Variants in LRRC28 observed in about 807,000 individuals in gnomAD.
The protein encoded by LRRC28 is leucine-rich repeat-containing protein 28.
LRRC28 carries 39 observed loss-of-function variants against 45.7 expected under a neutral mutation model. That is an observed-to-expected ratio of 0.85 (90% CI 0.66 to 1.12). The LOEUF is 1.12. Among genes scored for constraint, LRRC28 ranks in the 50% most tolerant of loss-of-function variants. The pLI, the probability that LRRC28 is intolerant of heterozygous loss-of-function variation, is 0.00. For synonymous variants in LRRC28, 206 were observed against 178.8 expected (o/e 1.15, Z -1.22); for missense variants, 435 against 438.5 (o/e 0.99, Z 0.07).
At chr15:99,305,192 G>C (rs1254519163) in intron 5 of LRRC28, among the ~76,000 whole-genome samples, 3 of 152,196 alleles carry the variant, frequency 2.0e-5, no homozygotes, top group Admixed American at 1.3e-4. Context: ...CCAACAGCCA[G>C]GATGGTTATT....
chr15:99,353,507 G>A (rs1204861580), intron 7 of LRRC28, among the ~76,000 whole-genome samples: 1 of 152,166 alleles, frequency 6.6e-6, no homozygotes, highest in African/African-American at 2.4e-5. Flanking sequence ...GCTGAGAGAT[G>A]TATTCTGGAA....
chr15:99,372,549 A>C (rs978746903), intron 9 of LRRC28, among the ~76,000 whole-genome samples: 1 of 152,074 alleles, frequency 6.6e-6, no homozygotes, highest in South Asian at 2.1e-4. Context: ...TTAATACAAC[A>C]AGCAGATACA....
rs1958147177 is a variant in LRRC28 at position 99,390,295 on chromosome 15, G to A, written c.*4193G>A. 1 of 152,228 alleles carries A rather than the reference G, an allele frequency of 6.6e-6. No individual in the cohort carries two copies. The highest frequency in any genetic ancestry group is 1.5e-5 in the Non-Finnish European group (1 of 68,028). The allele number at this position is 152,228 out of a possible 1,614,324, so 9.4% of individuals were successfully genotyped here. On this transcript the variant is annotated 3_prime_UTR_variant, in exon 10 of 10. Coordinates refer to ENST00000301981, the MANE Select transcript of LRRC28 (RefSeq NM_144598.5). ...GCTTCACAGCCTTTGAAGTATGACT[G>A]TATGTGTGGTCCCCTTGTACTTTGG... is the stretch of plus-strand genomic sequence containing the variant.
chr15:99,362,079 A>G (rs1197699487), intron 8 of LRRC28, among the ~76,000 whole-genome samples: 2 of 152,180 alleles, frequency 1.3e-5, no homozygotes, highest in East Asian at 3.8e-4. Flanking sequence ...CCGTGCACAG[A>G]TTTGATAGGT....
chr15:99,331,582 A>G (rs1956159741), intron 5 of LRRC28, among the ~76,000 whole-genome samples: 1 of 152,178 alleles, frequency 6.6e-6, no homozygotes, highest in Non-Finnish European at 1.5e-5. Flanking sequence ...TCCAAAAAAC[A>G]TCCTTTCATC....
chr15:99,369,799 T>C (rs1310945226), intron 9 of LRRC28, among the ~76,000 whole-genome samples: 1 of 152,204 alleles, frequency 6.6e-6, no homozygotes, highest in African/African-American at 2.4e-5. Context: ...CACCAGGGTA[T>C]TTTGAGACAG....
chr15:99,261,756 C>G (rs1049984254), intron 2 of LRRC28, among the ~76,000 whole-genome samples: 26 of 152,144 alleles, frequency 1.7e-4, no homozygotes, highest in African/African-American at 5.8e-4. Flanking sequence ...CTCCCGGGTT[C>G]AAGTGATTCT....
chr15:99,290,235 G>C (rs563802579), intron 5 of LRRC28, among the ~76,000 whole-genome samples: 1 of 150,810 alleles, frequency 6.6e-6, no homozygotes, highest in South Asian at 2.1e-4. Flanking sequence ...CTCCAGCCTG[G>C]GTGACAGAGT....
At chr15:99,282,893 T>C (rs552520437) in intron 3 of LRRC28, among the ~76,000 whole-genome samples, 1 of 152,320 alleles carries the variant, frequency 6.6e-6, no homozygotes, top group African/African-American at 2.4e-5. Context: ...GTTTCTTTAA[T>C]TAAAAATTTT....
intron 5 of LRRC28, among the ~76,000 whole-genome samples, chr15:99,317,022 T>G (rs10902543): frequency 0.46 from 60,048 of 130,210 alleles, 12,762 homozygotes; most frequent in African/African-American, 0.6. Context: ...TTTGGAGAGG[T>G]GGGGAAGGTT....
At chr15:99,384,672 C>G (rs189436985) in intron 9 of LRRC28, 11 of 152,366 alleles carry the variant, frequency 7.2e-5, no homozygotes, top group African/African-American at 2.6e-4. Context: ...AGTGCCACAG[C>G]CACTTGCTTT....
chr15:99,352,493 G>T (rs1210714180), intron 7 of LRRC28, 22 bp downstream of exon 7: 4 of 1,575,768 alleles, frequency 2.5e-6, no homozygotes, highest in South Asian at 2.3e-5. Context: ...TTCACATTTT[G>T]AACTAAAAAA....
At chr15:99,366,521 A>C (rs1450596914) in intron 9 of LRRC28, among the ~76,000 whole-genome samples, 1 of 152,176 alleles carries the variant, frequency 6.6e-6, no homozygotes, top group Non-Finnish European at 1.5e-5. Flanking sequence ...TTCTGGAGGA[A>C]AGAAGTCTGA....
chr15:99,285,120 A>G (rs2081923319), intron 3 of LRRC28: 1 of 713,570 alleles, frequency 1.4e-6, no homozygotes, highest in Admixed American at 1.7e-5. Context: ...AGTCATGGTC[A>G]TCAAAGGTTA....
intron 3 of LRRC28, among the ~76,000 whole-genome samples, chr15:99,279,045 CA>C (rs1469714618): frequency 1.3e-5 from 2 of 152,184 alleles, no homozygotes; most frequent in African/African-American, 4.8e-5. Flanking sequence ...AGCCAAAGAG[CA>C]AGAGAGAGTA....
rs553752329 is a variant in LRRC28, at chr15:99,264,610, A to T, written c.168+8485A>T. On this transcript the variant is annotated intron_variant, in intron 2 of 9. Transcript: ENST00000301981. The stretch of plus-strand genomic sequence containing the variant: ...ATGCAAACCCCCACATAGATGGGAT[A>T]TGCAGAGAGGACCTCTAGTAAACAG... Among the ~76,000 whole-genome samples the T allele has an allele frequency of 5.9e-5, 9 of 152,348 alleles. No homozygotes were observed. In the East Asian group the frequency reaches 1.7e-3, roughly 29 times the overall value.
chr15:99,348,053 C>T (rs1355926513), intron 6 of LRRC28, among the ~76,000 whole-genome samples: 1 of 152,052 alleles, frequency 6.6e-6, no homozygotes, highest in African/African-American at 2.4e-5. Flanking sequence ...TTTCATCTAC[C>T]TGTTGGCCTT....
In LRRC28 at chr15:99,390,117, CAAA is replaced by C. The variant is rs144619066; in HGVS notation, c.*4022_*4024del. ...TGGGCAACAGAGCGAGACTCCGTCTCAAAAAAAAATCATTCAAGTTTCACTGTG... is the reference window on the plus strand; with the variant it reads ...TGGGCAACAGAGCGAGACTCCGTCTCAAAAAATCATTCAAGTTTCACTGTG... On this transcript the variant is annotated 3_prime_UTR_variant, in exon 10 of 10. Coordinates refer to ENST00000301981, the MANE Select transcript of LRRC28 (RefSeq NM_144598.5). 1 of 151,628 alleles carries C rather than the reference CAAA, an allele frequency of 6.6e-6. No individual in the cohort carries two copies. The highest frequency in any genetic ancestry group is 2.1e-4 in the South Asian group (1 of 4,780). 9.4% of individuals were successfully genotyped at this position (151,628 alleles called of 1,614,324 possible).
intron 7 of LRRC28, among the ~76,000 whole-genome samples, chr15:99,359,956 C>G (rs1355660537): frequency 2.6e-5 from 4 of 152,196 alleles, no homozygotes; most frequent in African/African-American, 9.7e-5. Context: ...AAAGACTTCC[C>G]CATTTCTGTT....
Sources: allele counts gnomAD v4.1 joint callset (sites outside exome capture counted in the v4.1 genomes callset), GRCh38; gene constraint gnomAD v4.1.1; transcripts MANE v1.5; gene names NCBI Gene and HGNC (gene_info 2026-07-23, HGNC 2026-07-21).